PRELID2: variants seen among roughly 807,000 people sequenced by gnomAD.
PRELID2 encodes the protein PRELI domain containing 2.
Under a neutral mutation model 28.4 loss-of-function variants are expected in PRELID2, and 25 were observed. The observed-to-expected ratio is 0.88, with a 90% CI of 0.64 to 1.23. PRELID2 has a LOEUF of 1.23. Ranked by LOEUF, PRELID2 falls within the 50% of genes most tolerant of loss-of-function variation. PRELID2 has a pLI of 0.00. For missense variants in PRELID2, 201 were observed against 214.4 expected (o/e 0.94, Z 0.39); for synonymous variants, 76 against 71.6 (o/e 1.06, Z -0.31).
intron 1 of PRELID2, among the ~76,000 whole-genome samples, chr5:145,640,970 T>C (rs1754097861): frequency 6.6e-6 from 1 of 152,134 alleles, no homozygotes; most frequent in African/African-American, 2.4e-5. Flanking sequence ...TGTTGTAAAA[T>C]AAATTAACAT....
At chr5:145,420,350 C>T in the PRELID2 span, among the ~76,000 whole-genome samples, 1 of 152,014 alleles carries the variant, frequency 6.6e-6, no homozygotes. Flanking sequence ...AATATTGATT[C>T]TTCCTACCCA....
chr5:145,789,774 G>A (rs1429878685), intron 5 of PRELID2, among the ~76,000 whole-genome samples: 1 of 152,018 alleles, frequency 6.6e-6, no homozygotes, highest in Non-Finnish European at 1.5e-5. Context: ...AAATATACAA[G>A]GGATTCAAAC....
chr5:145,502,572 T>A (rs1752369288), intron 1 of PRELID2, among the ~76,000 whole-genome samples: 1 of 152,232 alleles, frequency 6.6e-6, no homozygotes, highest in Non-Finnish European at 1.5e-5. Context: ...ATATGGAAAA[T>A]TACTTTGAAT....
the PRELID2 span, among the ~76,000 whole-genome samples, chr5:145,248,949 G>A: frequency 6.6e-6 from 1 of 152,202 alleles, no homozygotes; most frequent in Non-Finnish European, 1.5e-5. Context: ...AATTTTCAGT[G>A]CCAGCCTATT....
the PRELID2 span, among the ~76,000 whole-genome samples, chr5:145,270,113 C>T: frequency 6.6e-6 from 1 of 151,404 alleles, no homozygotes; most frequent in African/African-American, 2.4e-5. Context: ...GTGGAGCAAC[C>T]ACATCTGTCA....
At chr5:145,581,689 C>A (rs1414287113) in intron 1 of PRELID2, among the ~76,000 whole-genome samples, 4 of 151,990 alleles carry the variant, frequency 2.6e-5, no homozygotes, top group African/African-American at 9.7e-5. Flanking sequence ...TGGCACCTAA[C>A]CAGACGTTGA....
At chr5:145,467,833 C>CT (rs1561488911), downstream of PRELID2, among the ~76,000 whole-genome samples, 1 of 151,024 alleles carries the variant, frequency 6.6e-6, no homozygotes, top group African/African-American at 2.4e-5. Context: ...GCCATATATG[C>CT]TTTTTTATTT....
the PRELID2 span, among the ~76,000 whole-genome samples, chr5:145,395,442 A>G: frequency 6.6e-6 from 1 of 152,146 alleles, no homozygotes; most frequent in Admixed American, 6.6e-5. Context: ...GGATGTGTCA[A>G]TTACCTCCAA....
At chr5:145,697,499 T>A (rs1433638432) in intron 1 of PRELID2, among the ~76,000 whole-genome samples, 2 of 152,156 alleles carry the variant, frequency 1.3e-5, no homozygotes, top group East Asian at 3.9e-4. Context: ...TAAATAAAGT[T>A]CAGTTGCCAC....
At chr5:145,369,029 T>A in the PRELID2 span, among the ~76,000 whole-genome samples, 1 of 151,860 alleles carries the variant, frequency 6.6e-6, no homozygotes, top group Non-Finnish European at 1.5e-5. Context: ...TGTATTTTCA[T>A]CATTGATCTC....
chr5:145,640,405 G>A (rs1292646897), intron 1 of PRELID2, among the ~76,000 whole-genome samples: 2 of 151,272 alleles, frequency 1.3e-5, no homozygotes, highest in Admixed American at 6.6e-5. Context: ...GAACCCGGGA[G>A]GCGGAGCTTG....
chr5:145,251,860 G>A, the PRELID2 span, among the ~76,000 whole-genome samples: 1 of 152,004 alleles, frequency 6.6e-6, no homozygotes, highest in Non-Finnish European at 1.5e-5. Context: ...GTCTAGCCAA[G>A]CTCTCAGTGG....
chr5:145,412,083 G>A, the PRELID2 span, among the ~76,000 whole-genome samples: 1 of 152,158 alleles, frequency 6.6e-6, no homozygotes, highest in Non-Finnish European at 1.5e-5. Flanking sequence ...GGACTATGAT[G>A]GGAGGGGCTG....
At chr5:145,309,997 C>G in the PRELID2 span, among the ~76,000 whole-genome samples, 1 of 152,206 alleles carries the variant, frequency 6.6e-6, no homozygotes, top group Non-Finnish European at 1.5e-5. Flanking sequence ...GAAGGACAAA[C>G]ATTTGAAATC....
intron 1 of PRELID2, among the ~76,000 whole-genome samples, chr5:145,604,969 C>T (rs888116496): frequency 2.3e-4 from 32 of 138,464 alleles, no homozygotes; most frequent in Admixed American, 5.2e-4. Flanking sequence ...TATATATATT[C>T]TTTTGAAAAG....
At chr5:145,739,772 G>A (rs6895520) in intron 1 of PRELID2, among the ~76,000 whole-genome samples, 1,549 of 151,822 alleles carry the variant, frequency 0.01, 28 homozygotes, top group African/African-American at 0.036. Context: ...CATATCCATA[G>A]GCTGTTTAAA....
intron 1 of PRELID2, among the ~76,000 whole-genome samples, chr5:145,608,525 T>G (rs1192356678): frequency 6.6e-6 from 1 of 152,208 alleles, no homozygotes; most frequent in Non-Finnish European, 1.5e-5. Flanking sequence ...AGATATGAAA[T>G]TCTTGGTTGG....
chr5:145,472,542 A>G (rs1752064176), intron 2 of PRELID2, among the ~76,000 whole-genome samples: 1 of 152,168 alleles, frequency 6.6e-6, no homozygotes, highest in Admixed American at 6.6e-5. Flanking sequence ...CCTAAGGCCT[A>G]GAAGAAAAAT....
chr5:145,531,053 T>C (rs1752651083), intron 1 of PRELID2, among the ~76,000 whole-genome samples: 1 of 152,216 alleles, frequency 6.6e-6, no homozygotes, highest in South Asian at 2.1e-4. Flanking sequence ...GCCTTGGGCT[T>C]TAATTCTGCT....
Sources: gnomAD v4.1 joint callset for allele counts (sites outside exome capture counted in the v4.1 genomes callset) on GRCh38, gnomAD v4.1.1 for gene constraint, MANE v1.5 for transcripts, NCBI Gene and HGNC (gene_info 2026-07-23, HGNC 2026-07-21) for gene names.